UBA6: variants seen among roughly 807,000 people sequenced by gnomAD.
UBA6 encodes ubiquitin-like modifier-activating enzyme 6.
UBA6 carries 87 observed loss-of-function variants against 148.3 expected under a neutral mutation model. That is an observed-to-expected ratio of 0.59 (90% CI 0.49 to 0.70). The LOEUF is 0.70. UBA6 is among the 30% of genes least tolerant of loss of function. The pLI, the probability that UBA6 is intolerant of heterozygous loss-of-function variation, is 0.00. For synonymous variants in UBA6, 376 were observed against 401.0 expected (o/e 0.94, Z 0.75); for missense variants, 1,186 against 1,241.2 (o/e 0.96, Z 0.67).
intron 6 of UBA6, among the ~76,000 whole-genome samples, chr4:67,675,284 A>G (rs899895864): frequency 2.0e-5 from 3 of 152,140 alleles, no homozygotes; most frequent in Non-Finnish European, 4.4e-5. Context: ...GTTCATTTCC[A>G]TAAGTTGTAC....
chr4:67,619,439 G>A (rs1156394611), intron 32 of UBA6, among the ~76,000 whole-genome samples: 2 of 152,216 alleles, frequency 1.3e-5, no homozygotes, highest in South Asian at 4.1e-4. Flanking sequence ...ACTTTGGGAG[G>A]CTGAGGCAGG....
intron 2 of UBA6, among the ~76,000 whole-genome samples, chr4:67,692,491 G>GTTT (rs1427488062): frequency 6.6e-6 from 1 of 152,102 alleles, no homozygotes; most frequent in Non-Finnish European, 1.5e-5. Flanking sequence ...AGCATTGGAG[G>GTTT]GAAAAGATAA....
chr4:67,663,333 T>G, intron 11 of UBA6, 118 bp from the exon 12 acceptor site: 1 of 618,352 alleles, frequency 1.6e-6, no homozygotes, highest in South Asian at 2.9e-5. Context: ...AGCTTAATAC[T>G]GTTATTAACT....
At chr4:67,665,419 T>TTTAG (rs1560493228) in intron 9 of UBA6, 127 bp from the exon 10 acceptor site, 3 of 537,182 alleles carry the variant, frequency 5.6e-6, no homozygotes, top group African/African-American at 4.5e-5. Context: ...TAGTGTTTTT[T>TTTAG]TTTGTTTGTT....
chr4:67,676,099 C>G (rs1048713425), intron 6 of UBA6, among the ~76,000 whole-genome samples: 3 of 145,898 alleles, frequency 2.1e-5, no homozygotes, highest in Non-Finnish European at 4.5e-5. Context: ...TTTTGGCTCA[C>G]TGCAACTTCC....
intron 19 of UBA6, among the ~76,000 whole-genome samples, chr4:67,637,643 A>G (rs1196494185): frequency 1.3e-5 from 2 of 152,006 alleles, no homozygotes; most frequent in Non-Finnish European, 2.9e-5. Context: ...CCTTAGCCCC[A>G]ACCCGGTGCT....
At chr4:67,673,925 AG>A (rs1730213185) in intron 6 of UBA6, 148 bp from the exon 7 acceptor site, 1 of 473,962 alleles carries the variant, frequency 2.1e-6, no homozygotes, top group African/African-American at 1.9e-5. Flanking sequence ...TTCCATTCCA[AG>A]GTTAATACCT....
intron 2 of UBA6, 81 bp downstream of exon 2, chr4:67,696,560 CTGAA>C (rs1182135280): frequency 9.6e-7 from 1 of 1,043,922 alleles, no homozygotes; most frequent in Non-Finnish European, 1.4e-6. Context: ...TCTGCATAGG[CTGAA>C]TGGTATCTTC....
chr4:67,663,554 A>T, intron 11 of UBA6: 1 of 366,704 alleles, frequency 2.7e-6, no homozygotes, highest in East Asian at 4.6e-5. Context: ...AGAAATATGT[A>T]TTGTATAAAA....
chr4:67,638,221 G>GA (rs1384079280), intron 19 of UBA6: 2 of 152,578 alleles, frequency 1.3e-5, no homozygotes, highest in Admixed American at 1.3e-4. Flanking sequence ...AGAAGAACAT[G>GA]AAAAAACAGA....
chr4:67,642,649 C>T (rs1285702971), intron 17 of UBA6, among the ~76,000 whole-genome samples: 1 of 152,044 alleles, frequency 6.6e-6, no homozygotes, highest in South Asian at 2.1e-4. Context: ...TTCCATTACA[C>T]TATGAAGATA....
intron 8 of UBA6, among the ~76,000 whole-genome samples, chr4:67,669,325 C>A (rs141223733): frequency 9.8e-4 from 149 of 152,260 alleles, no homozygotes; most frequent in African/African-American, 3.5e-3. Context: ...AATAATCACT[C>A]TTTGAGCAGA....
At chr4:67,682,019 T>C in intron 3 of UBA6, 100 bp downstream of exon 3, 1 of 860,722 alleles carries the variant, frequency 1.2e-6, no homozygotes, top group Non-Finnish European at 1.9e-6. Context: ...ATTTTGGATC[T>C]AACTTCCTTT....
Position 67,649,072 on chromosome 4 carries a change from T to C in UBA6, c.1244A>G (p.Gln415Arg). 2 of 1,613,172 alleles carry C rather than the reference T, an allele frequency of 1.2e-6. No homozygotes were observed. The highest frequency in any genetic ancestry group is 1.7e-6 in the Non-Finnish European group (2 of 1,179,690). ...AVTGKFSPLC[Q>R]WLYLEAADIV... ...CTTTAAAAACTCAGAACTAACCCAC[T>C]GGCACAAAGGAGAAAATTTTCCTGT... Residue 415 changes from glutamine (Q) to arginine (R), a missense_variant, in exon 14 of 33, where the codon CAG (glutamine) becomes CGG (arginine). Gln to Arg is a conservative substitution (Grantham distance 43, BLOSUM62 1). Transcript: ENST00000322244.
intron 32 of UBA6, among the ~76,000 whole-genome samples, chr4:67,620,969 T>A (rs2109892099): frequency 6.6e-6 from 1 of 152,294 alleles, no homozygotes; most frequent in East Asian, 1.9e-4. Flanking sequence ...ACTTAACAGG[T>A]ACTCAATAAA....
chr4:67,696,518 TACACACACACAC>T (rs4058361), intron 2 of UBA6, 115 bp downstream of exon 2: 17 of 566,556 alleles, frequency 3.0e-5, no homozygotes, highest in African/African-American at 1.7e-4. Flanking sequence ...CATATATACA[TACACACACACAC>T]ACACACACAC....
intron 13 of UBA6, among the ~76,000 whole-genome samples, chr4:67,657,431 G>A (rs905924057): frequency 2.0e-5 from 3 of 152,176 alleles, no homozygotes; most frequent in Non-Finnish European, 2.9e-5. Flanking sequence ...AAGAAATGGG[G>A]AAAGGATTCC....
chr4:67,618,062 T>G lies in UBA6; in HGVS notation c.*935A>C, dbSNP rs1305493164. On this transcript the variant is annotated 3_prime_UTR_variant, in exon 33 of 33. Transcript: ENST00000322244. ...AAAAAAAACAAAAAAAACACAAAAT[T>G]TAATACCCTAATTAGGTTTCTGGAA... The G allele has an allele frequency of 5.5e-5, 8 of 146,630 alleles. 1 individual carries two copies. The highest frequency in any genetic ancestry group is 9.9e-5 in the African/African-American group (4 of 40,336). The allele number at this position is 146,630 out of a possible 1,614,324, so 9.1% of individuals were successfully genotyped here.
intron 2 of UBA6, among the ~76,000 whole-genome samples, chr4:67,684,305 A>G (rs1285459888): frequency 1.3e-5 from 2 of 152,116 alleles, no homozygotes; most frequent in Non-Finnish European, 2.9e-5. Context: ...TTTTCTAGTT[A>G]CCTGAAATAA....
Sources: allele counts gnomAD v4.1 joint callset (sites outside exome capture counted in the v4.1 genomes callset), GRCh38; gene constraint gnomAD v4.1.1; transcripts MANE v1.5; gene names NCBI Gene and HGNC (gene_info 2026-07-23, HGNC 2026-07-21).